POTEF: variants seen among roughly 807,000 people sequenced by gnomAD.
POTEF encodes POTE ankyrin domain family member F.
In POTEF, 20 loss-of-function variants were observed where a neutral mutation model predicts 83.2. The ratio of observed to expected loss-of-function variants is 0.24; its 90% CI spans 0.17 to 0.35. POTEF has a LOEUF of 0.35. Among genes scored for constraint, POTEF ranks in the 10% least tolerant of loss-of-function variants. The pLI is 1.00. For missense variants in POTEF, 550 were observed against 1,203.2 expected (o/e 0.46, Z 8.03); for synonymous variants, 196 against 446.4 (o/e 0.44, Z 7.07).
In POTEF at chr2:130,110,535, A is replaced by G; in HGVS notation, c.1055+8T>C. On this transcript the variant is annotated splice_region_variant and intron_variant, in intron 7 of 16. Transcript: ENST00000409914. ...AGCATTAACTAGCCTTTTAATGTAA[A>G]CACTTACACATGATGATGACTAGAA... 1 of 1,455,832 alleles carries G rather than the reference A, an allele frequency of 6.9e-7. No homozygotes were observed. The highest frequency in any genetic ancestry group is 9.3e-7 in the Non-Finnish European group (1 of 1,078,370). The allele number at this position is 1,455,832 out of a possible 1,614,324, so 90.2% of individuals were successfully genotyped here.
At chr2:130,088,516 TTAGTG>T (rs1179102511) in intron 12 of POTEF, among the ~76,000 whole-genome samples, 1 of 5,288 alleles carries the variant, frequency 1.9e-4, no homozygotes, top group African/African-American at 8.8e-4. Flanking sequence ...GACACCTTTA[TTAGTG>T]TACAACATCT....
rs745557320 is a variant in POTEF, at chr2:130,112,050, C to T, written c.862G>A (p.Val288Met). The T allele has an allele frequency of 1.7e-5, 22 of 1,331,738 alleles. 4 individuals carry two copies. The highest frequency in any genetic ancestry group is 7.3e-5 in the Admixed American group (3 of 41,060). The allele number at this position is 1,331,738 out of a possible 1,614,324, so 82.5% of individuals were successfully genotyped here. A position where few individuals can be genotyped will look rare whatever the true frequency, so the allele number is the denominator to read the frequency against. The change falls in exon 6 of 17, where the codon GTG becomes ATG. Residue 288 changes from valine (V) to methionine (M), a missense_variant. Physicochemically the swap from Val to Met is conservative, Grantham distance 21. Coordinates refer to ENST00000409914, the MANE Select transcript of POTEF (RefSeq NM_001099771.2). ...GCTTTTTTCTTAATTAAAAATTTCA[C>T]GACTTGCTGTTTTTGCTCATGTACA... ...LGVHEQKQQV[V>M]KFLIKKKANL...
rs751540803 is a variant in POTEF, at chr2:130,113,933, G to A, written c.810+948C>T. Among the ~76,000 whole-genome samples, 175 of 151,774 alleles carry A rather than the reference G, an allele frequency of 1.2e-3. 1 individual carries two copies. The highest frequency in any genetic ancestry group is 1.7e-3 in the Non-Finnish European group (113 of 67,968). ...CTGAAAACACCACATGATTTTCCCC[G>A]GTAAGAGAAGAACAGGGTCTAGTCA... On this transcript the variant is annotated intron_variant, in intron 5 of 16. Coordinates refer to ENST00000409914, the MANE Select transcript of POTEF (RefSeq NM_001099771.2).
intron 2 of POTEF, among the ~76,000 whole-genome samples, chr2:130,127,118 T>C (rs376518966): frequency 7.3e-5 from 11 of 151,654 alleles, no homozygotes; most frequent in African/African-American, 2.4e-4. Flanking sequence ...TCAGGTGATC[T>C]AGACCATCCT....
intron 5 of POTEF, among the ~76,000 whole-genome samples, chr2:130,113,947 A>G (rs1381730175): frequency 1.3e-5 from 2 of 151,946 alleles, no homozygotes. Flanking sequence ...AGAGAAGAAC[A>G]GGGTCTAGTC....
At chr2:130,095,749 TA>T (rs1684224806) in intron 11 of POTEF, among the ~76,000 whole-genome samples, 1 of 61,560 alleles carries the variant, frequency 1.6e-5, no homozygotes, top group Non-Finnish European at 2.9e-5. Context: ...TTAGAGATGA[TA>T]AATCACTTTG....
At chr2:130,101,546 A>C (rs1317985311) in intron 9 of POTEF, among the ~76,000 whole-genome samples, 1 of 150,104 alleles carries the variant, frequency 6.7e-6, no homozygotes, top group African/African-American at 2.5e-5. Context: ...TCAACGAGAG[A>C]CCATAAGGCA....
At chr2:130,113,189 C>T (rs1375764410) in intron 5 of POTEF, among the ~76,000 whole-genome samples, 2 of 115,526 alleles carry the variant, frequency 1.7e-5, no homozygotes, top group Non-Finnish European at 3.5e-5. Flanking sequence ...CAAGACCAGC[C>T]TGAGAAACAT....
At chr2:130,115,350 T>C (rs774521663) in intron 3 of POTEF, 22 bp from the exon 4 acceptor site, 3 of 1,612,788 alleles carry the variant, frequency 1.9e-6, no homozygotes, top group Non-Finnish European at 8.5e-7. Context: ...AGAAGACTTT[T>C]TAGGAAATTG....
At chr2:130,127,001 A>C (rs889937582) in intron 2 of POTEF, among the ~76,000 whole-genome samples, 3 of 151,988 alleles carry the variant, frequency 2.0e-5, no homozygotes, top group African/African-American at 7.3e-5. Context: ...AAAATTTGAA[A>C]AAGTCCAAGA....
Position 130,075,544 on chromosome 2 carries a change from T to C in POTEF, c.1928A>G (p.Asp643Gly). The change falls in exon 17 of 17, where the codon GAC becomes GGC. Residue 643 changes from aspartate (D) to glycine (G), a missense_variant. Coordinates refer to ENST00000409914, the MANE Select transcript of POTEF (RefSeq NM_001099771.2). The part of the protein sequence containing the change: ...ELSLSCKKEK[D>G]ILHENSTLRE... Reference sequence around the variant, plus strand: ...CAACGTACTATTTTCATGCAAGATGTCTTTTTCTTTCTTACAACTAAGAGA... The same window carrying C: ...CAACGTACTATTTTCATGCAAGATGCCTTTTTCTTTCTTACAACTAAGAGA... 1 of 1,610,786 alleles carries C rather than the reference T, an allele frequency of 6.2e-7. No homozygotes were observed. Among genetic ancestry groups the C allele is most frequent in the Non-Finnish European group, 8.5e-7 (1 of 1,179,598 alleles).
chr2:130,127,370 C>G (rs368355608), intron 2 of POTEF, among the ~76,000 whole-genome samples: 3 of 138,426 alleles, frequency 2.2e-5, no homozygotes, highest in East Asian at 2.1e-4. Flanking sequence ...CACACACACA[C>G]AGTCACCCCC....
chr2:130,124,536 C>A (rs951377607), intron 2 of POTEF, among the ~76,000 whole-genome samples: 34 of 144,446 alleles, frequency 2.4e-4, no homozygotes, highest in Non-Finnish European at 3.1e-4. Context: ...ACATTTCTTT[C>A]CTTCATAACA....
chr2:130,120,489 C>A lies in POTEF; in HGVS notation c.27G>T (p.Pro9=). 1 of 1,613,300 alleles carries A rather than the reference C, an allele frequency of 6.2e-7. No individual in the cohort carries two copies. The highest frequency in any genetic ancestry group is 1.1e-5 in the South Asian group (1 of 91,050). ...ATGGCTTCTTCACAGAAGAGGCAGC[C>A]GGCATGGAATCAACCTCAACCACCA... is the stretch of plus-strand genomic sequence containing the variant. MVVEVDSM[P]AASSVKKPFG... The change falls in exon 3 of 17, where the codon CCG becomes CCT. Residue 9 remains proline, a synonymous_variant. Transcript: ENST00000409914.
chr2:130,076,516 G>T (rs914129473), intron 16 of POTEF, among the ~76,000 whole-genome samples: 17 of 148,990 alleles, frequency 1.1e-4, no homozygotes, highest in African/African-American at 4.0e-4. Flanking sequence ...GAAATATACT[G>T]AACTATTTCT....
chr2:130,102,624 C>A (rs1272022000), intron 8 of POTEF, among the ~76,000 whole-genome samples: 1 of 149,058 alleles, frequency 6.7e-6, no homozygotes, highest in African/African-American at 2.5e-5. Context: ...GAAGCCAGAG[C>A]CCACAGGTAT....
intron 8 of POTEF, among the ~76,000 whole-genome samples, chr2:130,105,989 A>G (rs1453147413): frequency 6.6e-6 from 1 of 151,106 alleles, no homozygotes; most frequent in Non-Finnish European, 1.5e-5. Flanking sequence ...CCAGCCAGTG[A>G]AATGTTACAG....
intron 2 of POTEF, among the ~76,000 whole-genome samples, chr2:130,122,824 T>C (rs2104831117): frequency 6.6e-6 from 1 of 151,922 alleles, no homozygotes; most frequent in South Asian, 2.1e-4. Flanking sequence ...TTACCTTATT[T>C]TTCAGATAAC....
In POTEF at chr2:130,075,101, A is replaced by G; in HGVS notation, c.2371T>C (p.Tyr791His). Residue 791 changes from tyrosine to histidine, a missense_variant, in exon 17 of 17, where the codon TAC (tyrosine) becomes CAC (histidine). Transcript: ENST00000409914. ...TCGGGAGCCACACGCAGCTCGTTGTAGAAGGTGTGGTGCCAGATCTTCTCC... is the reference window on the plus strand; with the variant it reads ...TCGGGAGCCACACGCAGCTCGTTGTGGAAGGTGTGGTGCCAGATCTTCTCC... The part of the protein sequence containing the change: ...DMEKIWHHTF[Y>H]NELRVAPEEH... The G allele has an allele frequency of 1.2e-6, 2 of 1,613,754 alleles. No homozygotes were observed. The highest frequency in any genetic ancestry group is 3.3e-5 in the Admixed American group (2 of 59,982).
Sources: gnomAD v4.1 joint callset for allele counts (sites outside exome capture counted in the v4.1 genomes callset) on GRCh38, gnomAD v4.1.1 for gene constraint, MANE v1.5 for transcripts, NCBI Gene and HGNC (gene_info 2026-07-23, HGNC 2026-07-21) for gene names.